CEP126: variants seen among roughly 807,000 people sequenced by gnomAD.
CEP126 encodes the protein centrosomal protein of 126 kDa.
In CEP126, 74 loss-of-function variants were observed where a neutral mutation model predicts 107.8. That is an observed-to-expected ratio of 0.69 (90% CI 0.57 to 0.83). The LOEUF (loss-of-function observed/expected upper bound fraction) is 0.83, where lower values mean the gene tolerates loss of function less well. Among genes scored for constraint, CEP126 ranks in the 40% least tolerant of loss-of-function variants. CEP126 has a pLI of 0.00. For synonymous variants in CEP126, 449 were observed against 446.0 expected (o/e 1.01, Z -0.08); for missense variants, 1,237 against 1,281.9 (o/e 0.96, Z 0.53).
chr11:101,979,414 A>T (rs1277130784), intron 7 of CEP126, among the ~76,000 whole-genome samples: 1 of 152,140 alleles, frequency 6.6e-6, no homozygotes, highest in Non-Finnish European at 1.5e-5. Flanking sequence ...TGGCTGTTCA[A>T]GATAGAGGTC....
rs559678743 is a variant in CEP126, at chr11:101,977,281, T to C, written c.2846-1066T>C. Among the ~76,000 whole-genome samples, 117 of 152,214 alleles carry C rather than the reference T, an allele frequency of 7.7e-4. 1 individual carries two copies. Among genetic ancestry groups the C allele is most frequent in the Non-Finnish European group, 1.4e-3 (96 of 68,006 alleles). On this transcript the variant is annotated intron_variant, in intron 6 of 10. Coordinates refer to ENST00000263468, the MANE Select transcript of CEP126 (RefSeq NM_020802.4). The stretch of plus-strand genomic sequence containing the variant: ...TGCTGTTGTTTACCTATCCTTGCAT[T>C]ATTAGTATTATTTTGATCTGTGATT...
rs1326261807 is a variant in CEP126, at chr11:101,962,846, A to C, written c.1811A>C (p.Gln604Pro). Residue 604 changes from glutamine (Q) to proline (P), a missense_variant, in exon 6 of 11, where the codon CAA (glutamine) becomes CCA (proline). Gln to Pro is a moderately conservative substitution (Grantham distance 76). Coordinates refer to ENST00000263468, the MANE Select transcript of CEP126 (RefSeq NM_020802.4). ...AATCAGAGCTTTAAGTTTGGAAATC[A>C]AAAAGCAGCAGCTATCAGAGATAGT... ...IINQSFKFGN[Q>P]KAAAIRDSIE... is the part of the protein sequence containing the mutation. The C allele has an allele frequency of 1.2e-6, 2 of 1,604,030 alleles. No homozygotes were observed. Among genetic ancestry groups the C allele is most frequent in the Admixed American group, 1.7e-5 (1 of 57,720 alleles).
chr11:101,936,493 A>C (rs1940581253), intron 2 of CEP126, among the ~76,000 whole-genome samples: 1 of 152,184 alleles, frequency 6.6e-6, no homozygotes, highest in Non-Finnish European at 1.5e-5. Context: ...CTAGTTATAT[A>C]ATTATGTCGT....
intron 7 of CEP126, among the ~76,000 whole-genome samples, chr11:101,981,083 T>G (rs1474212426): frequency 6.6e-6 from 1 of 152,132 alleles, no homozygotes; most frequent in Non-Finnish European, 1.5e-5. Context: ...TGTGTACACT[T>G]TTTGCCAGTG....
At chr11:101,921,012 G>T (rs61414150) in intron 1 of CEP126, among the ~76,000 whole-genome samples, 3 of 152,186 alleles carry the variant, frequency 2.0e-5, no homozygotes, top group East Asian at 1.9e-4. Flanking sequence ...CAATTAAAAC[G>T]CAACTAAATA....
chr11:101,915,210 C>CAGG lies in CEP126; in HGVS notation c.-64_-62dup. On this transcript the variant is annotated 5_prime_UTR_variant, in exon 1 of 11. Transcript: ENST00000263468. ...AGACGGAGTGTAGGGAGGGGCCGAG[C>CAGG]AGGAGGAGGAGGAAGCCGGAGCTGC... The CAGG allele has an allele frequency of 5.0e-6, 8 of 1,588,236 alleles. No homozygotes were observed. The highest frequency in any genetic ancestry group is 6.9e-6 in the Non-Finnish European group (8 of 1,165,754).
chr11:101,915,326 A>C lies in CEP126; in HGVS notation c.42A>C (p.Glu14Asp). ...GRPGTRSAVG[E>D]LGTESSDNLD... ...CCGGAACCCGGAGCGCGGTCGGGGAACTGGGCACTGAATCATCGGACAACC... is the reference window on the plus strand; with the variant it reads ...CCGGAACCCGGAGCGCGGTCGGGGACCTGGGCACTGAATCATCGGACAACC... The change falls in exon 1 of 11, where the codon GAA becomes GAC. Residue 14 changes from glutamate to aspartate, a missense_variant. Glu to Asp is a conservative substitution (Grantham distance 45, BLOSUM62 2). Transcript: ENST00000263468. The C allele has an allele frequency of 3.1e-6, 5 of 1,613,930 alleles. No individual in the cohort carries two copies. Among genetic ancestry groups the C allele is most frequent in the Non-Finnish European group, 4.2e-6 (5 of 1,179,974 alleles).
chr11:101,996,314 A>G (rs1941440792), intron 10 of CEP126, among the ~76,000 whole-genome samples: 1 of 152,148 alleles, frequency 6.6e-6, no homozygotes, highest in South Asian at 2.1e-4. Flanking sequence ...TGCAAGCTTC[A>G]ATTTGTTTAC....
rs773628925 is a variant in CEP126, at chr11:101,985,988, A to ATTTTTTTTTTTT, written c.3035-841_3035-840insTTTTTTTTTTTT. Among the ~76,000 whole-genome samples the ATTTTTTTTTTTT allele has an allele frequency of 2.4e-5, 3 of 126,458 alleles. 1 individual carries two copies. Among genetic ancestry groups the ATTTTTTTTTTTT allele is most frequent in the Non-Finnish European group, 1.6e-5 (1 of 61,208 alleles). The allele number at this position is 126,458 out of a possible 152,430, so 83.0% of individuals were successfully genotyped here. The stretch of plus-strand genomic sequence containing the variant: ...CAGTGGGAAGTAAAACTCTGAATTG[A>ATTTTTTTTTTTT]TTTCTTTTTTTTTTTTTTTTTTTTG... On this transcript the variant is annotated intron_variant, in intron 8 of 10. Coordinates refer to ENST00000263468, the MANE Select transcript of CEP126 (RefSeq NM_020802.4).
chr11:101,928,754 C>A (rs1451321097), intron 2 of CEP126, among the ~76,000 whole-genome samples: 1 of 152,154 alleles, frequency 6.6e-6, no homozygotes, highest in Non-Finnish European at 1.5e-5. Context: ...GTGTCTCTTC[C>A]TCCACCAATA....
In CEP126 at chr11:101,915,203, G is replaced by A; in HGVS notation, c.-82G>A. ...GCCTGAGAGACGGAGTGTAGGGAGG[G>A]GCCGAGCAGGAGGAGGAGGAAGCCG... On this transcript the variant is annotated 5_prime_UTR_variant, in exon 1 of 11. Coordinates refer to ENST00000263468, the MANE Select transcript of CEP126 (RefSeq NM_020802.4). 6.3e-7 allele frequency: 1 copy of A among 1,582,518 alleles called. No homozygotes were observed. The highest frequency in any genetic ancestry group is 8.6e-7 in the Non-Finnish European group (1 of 1,162,768).
intron 2 of CEP126, among the ~76,000 whole-genome samples, chr11:101,937,763 T>G (rs1050001152): frequency 2.6e-5 from 4 of 152,174 alleles, no homozygotes; most frequent in Admixed American, 6.5e-5. Flanking sequence ...GAGTTTTTTT[T>G]GTGGGAAACT....
intron 4 of CEP126, chr11:101,956,576 A>T (rs1018987542): frequency 2.2e-6 from 1 of 455,952 alleles, no homozygotes; most frequent in African/African-American, 2.0e-5. Context: ...TTCAGCCTGT[A>T]TACTGTTTTC....
At chr11:101,924,596 G>A (rs1940380334) in intron 2 of CEP126, among the ~76,000 whole-genome samples, 1 of 152,116 alleles carries the variant, frequency 6.6e-6, no homozygotes, top group Admixed American at 6.5e-5. Flanking sequence ...CCCCCGAATA[G>A]CTGGGATTAC....
At chr11:101,957,060 A>C in intron 4 of CEP126, 1 of 268,838 alleles carries the variant, frequency 3.7e-6, no homozygotes, top group South Asian at 3.9e-5. Context: ...AGAGACAGAA[A>C]CATACTCTCA....
At chr11:101,957,975 C>T (rs1311991860) in intron 4 of CEP126, among the ~76,000 whole-genome samples, 193 bp from the exon 5 acceptor site, 1 of 152,176 alleles carries the variant, frequency 6.6e-6, no homozygotes, top group East Asian at 1.9e-4. Context: ...ACTTTAGTCT[C>T]ACAACTACTT....
intron 6 of CEP126, among the ~76,000 whole-genome samples, chr11:101,976,441 A>G (rs996371702): frequency 6.6e-6 from 1 of 152,204 alleles, no homozygotes; most frequent in African/African-American, 2.4e-5. Flanking sequence ...CTAATTAAAT[A>G]TTAGCTGGTA....
intron 8 of CEP126, among the ~76,000 whole-genome samples, chr11:101,984,936 T>C (rs565886167): frequency 2.4e-4 from 36 of 152,368 alleles, no homozygotes; most frequent in African/African-American, 7.7e-4. Flanking sequence ...TTGCTGTTGT[T>C]GAACAGCCGA....
intron 10 of CEP126, among the ~76,000 whole-genome samples, chr11:101,993,984 A>T (rs986963945): frequency 2.0e-5 from 3 of 152,150 alleles, no homozygotes; most frequent in Non-Finnish European, 4.4e-5. Flanking sequence ...CTGTAATCCC[A>T]GGACTTTGGG....
Sources: gnomAD v4.1 joint callset for allele counts (sites outside exome capture counted in the v4.1 genomes callset) on GRCh38, gnomAD v4.1.1 for gene constraint, MANE v1.5 for transcripts, NCBI Gene and HGNC (gene_info 2026-07-23, HGNC 2026-07-21) for gene names.